The following TRIM44 variants were observed in gnomAD, a reference collection of about 807,000 sequenced individuals.
TRIM44 encodes tripartite motif containing 44.
A neutral mutation model predicts 37.4 loss-of-function variants in TRIM44; 13 were observed. The observed-to-expected ratio is 0.35, with a 90% CI of 0.23 to 0.55. The LOEUF (loss-of-function observed/expected upper bound fraction) is 0.55, where lower values mean the gene tolerates loss of function less well. Among genes scored for constraint, TRIM44 ranks in the 20% least tolerant of loss-of-function variants. The pLI, the probability that TRIM44 is intolerant of heterozygous loss-of-function variation, is 0.89. For missense variants in TRIM44, 426 were observed against 437.2 expected (o/e 0.97, Z 0.23); for synonymous variants, 175 against 157.2 (o/e 1.11, Z -0.85).
chr11:35,681,011 C>T (rs1245172273), intron 1 of TRIM44, among the ~76,000 whole-genome samples: 1 of 151,594 alleles, frequency 6.6e-6, no homozygotes, highest in East Asian at 1.9e-4. Flanking sequence ...TTTCTGTATT[C>T]TTGATACCAT....
intron 4 of TRIM44, among the ~76,000 whole-genome samples, chr11:35,760,740 A>C (rs775053599): frequency 2.2e-4 from 33 of 152,242 alleles, no homozygotes; most frequent in Non-Finnish European, 4.3e-4. Flanking sequence ...ACATAGCTGA[A>C]TGGTTAAATC....
intron 4 of TRIM44, among the ~76,000 whole-genome samples, chr11:35,748,863 G>C (rs971099469): frequency 6.6e-6 from 1 of 152,162 alleles, no homozygotes; most frequent in Non-Finnish European, 1.5e-5. Flanking sequence ...TGGCTCAGGT[G>C]GGGTAAAGCT....
chr11:35,673,725 GT>G (rs1303607824), intron 1 of TRIM44, among the ~76,000 whole-genome samples: 1 of 152,186 alleles, frequency 6.6e-6, no homozygotes, highest in East Asian at 1.9e-4. Flanking sequence ...ATTTTATGCT[GT>G]TAGGCAATTG....
chr11:35,674,880 A>G (rs970694684), intron 1 of TRIM44, among the ~76,000 whole-genome samples: 2 of 152,226 alleles, frequency 1.3e-5, no homozygotes, highest in Non-Finnish European at 2.9e-5. Context: ...AGAGAAATTG[A>G]TATCACTGGA....
chr11:35,703,679 C>T (rs987785962), intron 2 of TRIM44, among the ~76,000 whole-genome samples: 3 of 152,174 alleles, frequency 2.0e-5, no homozygotes, highest in African/African-American at 7.2e-5. Context: ...TAGCAAACTC[C>T]AACAGACCTG....
chr11:35,676,191 A>G (rs932174219), intron 1 of TRIM44, among the ~76,000 whole-genome samples: 1 of 152,174 alleles, frequency 6.6e-6, no homozygotes, highest in Non-Finnish European at 1.5e-5. Flanking sequence ...TGAGGAACAA[A>G]CAAGATCATA....
At chr11:35,668,635 C>T (rs1851357924) in intron 1 of TRIM44, among the ~76,000 whole-genome samples, 2 of 152,210 alleles carry the variant, frequency 1.3e-5, no homozygotes, top group African/African-American at 4.8e-5. Flanking sequence ...TAAATTGATT[C>T]AGTGTCTTAG....
chr11:35,669,006 A>C (rs1016865830), intron 1 of TRIM44, among the ~76,000 whole-genome samples: 6 of 152,144 alleles, frequency 3.9e-5, no homozygotes, highest in Non-Finnish European at 7.3e-5. Context: ...TGATAATTCT[A>C]GTATGTGAAG....
chr11:35,782,878 T>C (rs1035695650), intron 4 of TRIM44, among the ~76,000 whole-genome samples: 2 of 152,204 alleles, frequency 1.3e-5, no homozygotes, highest in South Asian at 2.1e-4. Context: ...CTGCCAAATA[T>C]ATAATTTCAT....
chr11:35,803,122 C>G (rs1853391871), intron 4 of TRIM44, among the ~76,000 whole-genome samples: 1 of 152,152 alleles, frequency 6.6e-6, no homozygotes, highest in South Asian at 2.1e-4. Context: ...ATGTTAGTGA[C>G]TTACGTAAGA....
At chr11:35,726,986 C>T (rs1483403563) in intron 3 of TRIM44, among the ~76,000 whole-genome samples, 1 of 151,518 alleles carries the variant, frequency 6.6e-6, no homozygotes, top group Middle Eastern at 3.2e-3. Context: ...ATAGTGAGAC[C>T]CTGTGTCTAC....
In TRIM44 at chr11:35,813,011, A is replaced by C. The variant is rs1231963276; in HGVS notation, c.*6626A>C. 6.6e-6 allele frequency: 1 copy of C among 152,210 alleles called. No individual in the cohort carries two copies. The highest frequency in any genetic ancestry group is 1.5e-5 in the Non-Finnish European group (1 of 68,030). The allele number at this position is 152,210 out of a possible 1,614,324, so 9.4% of individuals were successfully genotyped here. A position where few individuals can be genotyped will look rare whatever the true frequency, so the allele number is the denominator to read the frequency against. ...AGCTCTGACACTGAGTCTGTGATTTAATTAAACATGTTGAAGGCTCTCCAA... is the reference window on the plus strand; with the variant it reads ...AGCTCTGACACTGAGTCTGTGATTTCATTAAACATGTTGAAGGCTCTCCAA... On this transcript the variant is annotated 3_prime_UTR_variant, in exon 5 of 5. Coordinates refer to ENST00000299413, the MANE Select transcript of TRIM44 (RefSeq NM_017583.6).
intron 4 of TRIM44, among the ~76,000 whole-genome samples, chr11:35,757,959 A>G (rs1852669510): frequency 6.6e-6 from 1 of 152,210 alleles, no homozygotes; most frequent in East Asian, 1.9e-4. Flanking sequence ...GTGGTGCTGA[A>G]AAGAATGTAT....
chr11:35,712,892 C>T (rs1269812664), intron 2 of TRIM44, among the ~76,000 whole-genome samples: 2 of 152,116 alleles, frequency 1.3e-5, no homozygotes, highest in South Asian at 2.1e-4. Context: ...ATTTAAGGGC[C>T]TGCTGCTCTC....
At chr11:35,766,425 A>C (rs1852799636) in intron 4 of TRIM44, among the ~76,000 whole-genome samples, 1 of 152,198 alleles carries the variant, frequency 6.6e-6, no homozygotes, top group African/African-American at 2.4e-5. Flanking sequence ...GGCAGAATTG[A>C]ATGATACTCT....
At chr11:35,718,953 A>T (rs1251453021) in intron 2 of TRIM44, among the ~76,000 whole-genome samples, 1 of 147,238 alleles carries the variant, frequency 6.8e-6, no homozygotes, top group Non-Finnish European at 1.5e-5. Flanking sequence ...TGTTGTCTGG[A>T]TGTACCACAG....
chr11:35,815,356 T>A lies in TRIM44; in HGVS notation c.*8971T>A, dbSNP rs1853570249. On this transcript the variant is annotated 3_prime_UTR_variant, in exon 5 of 5. Coordinates refer to ENST00000299413, the MANE Select transcript of TRIM44 (RefSeq NM_017583.6). ...GGATGGCTGTATCCTAGTATGAAAT[T>A]CAGCTTCTAAGTAGGAAGAACTATG... 1 of 152,162 alleles carries A rather than the reference T, an allele frequency of 6.6e-6. No homozygotes were observed. Among genetic ancestry groups the A allele is most frequent in the Non-Finnish European group, 1.5e-5 (1 of 68,032 alleles). The allele number at this position is 152,162 out of a possible 1,614,324, so 9.4% of individuals were successfully genotyped here.
chr11:35,715,649 G>C (rs1019063029), intron 2 of TRIM44, among the ~76,000 whole-genome samples: 1 of 152,008 alleles, frequency 6.6e-6, no homozygotes, highest in African/African-American at 2.4e-5. Flanking sequence ...ACTGAGATAG[G>C]GGGTGTATTA....
chr11:35,749,240 A>G (rs1055851816), intron 4 of TRIM44, among the ~76,000 whole-genome samples: 1 of 152,250 alleles, frequency 6.6e-6, no homozygotes, highest in African/African-American at 2.4e-5. Flanking sequence ...TAGAATCTTA[A>G]GAAAAGGTAA....
Sources: gnomAD v4.1 joint callset for allele counts (sites outside exome capture counted in the v4.1 genomes callset) on GRCh38, gnomAD v4.1.1 for gene constraint, MANE v1.5 for transcripts, NCBI Gene and HGNC (gene_info 2026-07-23, HGNC 2026-07-21) for gene names.